Variants in GMDS observed in about 807,000 individuals in gnomAD.
The protein encoded by GMDS is GDP-mannose 4,6-dehydratase.
In GMDS, 20 loss-of-function variants were observed where a neutral mutation model predicts 49.9. The observed-to-expected ratio is 0.40, with a 90% confidence interval of 0.28 to 0.58. The LOEUF is 0.58. Ranked by LOEUF, GMDS falls within the 20% of genes least tolerant of loss-of-function variation. GMDS has a pLI of 0.42. For synonymous variants in GMDS, 177 were observed against 178.6 expected, an observed-to-expected ratio of 0.99 and a Z score of 0.07; for missense variants, 362 against 481.4, an observed-to-expected ratio of 0.75 and a Z score of 2.32.
At position 1,789,532 on chromosome 6, in the gene GMDS, C is replaced by CT. The variant is rs59996305; in HGVS notation, c.772-46947dup. Among the ~76,000 whole-genome samples, 545 of 141,260 alleles carry CT rather than the reference C, an allele frequency of 3.9e-3. 2 individuals carry two copies. Among genetic ancestry groups the CT allele is most frequent in the African/African-American group, 8.6e-3 (337 of 39,182 alleles). 92.7% of individuals were successfully genotyped at this position (141,260 alleles called of 152,430 possible). On this transcript the variant is annotated intron_variant, in intron 7 of 10. Transcript: ENST00000380815. ...AAATTATTTTTTCTTTTTCTTTTTT[C>CT]TTTTTTTTTTTTTTTTTTTTCCTGA...
chr6:1,749,036 G>T (rs918536531), intron 7 of GMDS, among the ~76,000 whole-genome samples: 2 of 152,192 alleles, frequency 1.3e-5, no homozygotes, highest in African/African-American at 4.8e-5. Flanking sequence ...GGGGGAACAG[G>T]AAAGTACACT....
intron 4 of GMDS, among the ~76,000 whole-genome samples, chr6:2,011,008 T>C (rs186054702): frequency 3.9e-5 from 6 of 152,156 alleles, no homozygotes; most frequent in Admixed American, 1.3e-4. Context: ...ACAAATAAGA[T>C]AAAGATTTAA....
chr6:1,878,651 T>C (rs1017828636), intron 7 of GMDS, among the ~76,000 whole-genome samples: 1 of 152,192 alleles, frequency 6.6e-6, no homozygotes, highest in Non-Finnish European at 1.5e-5. Context: ...TACATGTTAA[T>C]ACCTGACAGC....
intron 7 of GMDS, among the ~76,000 whole-genome samples, chr6:1,857,774 T>C (rs1013049165): frequency 6.6e-6 from 1 of 152,188 alleles, no homozygotes; most frequent in Non-Finnish European, 1.5e-5. Flanking sequence ...TGTTTATTAA[T>C]AAAAATCATA....
At chr6:2,199,822 CA>C (rs1467679676) in intron 1 of GMDS, among the ~76,000 whole-genome samples, 1 of 152,160 alleles carries the variant, frequency 6.6e-6, no homozygotes, top group Non-Finnish European at 1.5e-5. Context: ...CACTTTTCAG[CA>C]GTACCTAGAA....
intron 8 of GMDS, among the ~76,000 whole-genome samples, chr6:1,738,015 TAC>T: frequency 2.1e-5 from 1 of 47,192 alleles, no homozygotes; most frequent in East Asian, 7.7e-4. Context: ...CAGACACACA[TAC>T]ACACATACAC....
chr6:2,229,389 T>C (rs1462801624), intron 1 of GMDS, among the ~76,000 whole-genome samples: 14 of 117,832 alleles, frequency 1.2e-4, no homozygotes, highest in African/African-American at 4.2e-4. Flanking sequence ...CTGGGCAACA[T>C]AGAGAGACCC....
At chr6:2,107,714 C>T (rs563522365) in intron 4 of GMDS, among the ~76,000 whole-genome samples, 1 of 152,306 alleles carries the variant, frequency 6.6e-6, no homozygotes, top group African/African-American at 2.4e-5. Flanking sequence ...ATCCACATCA[C>T]CTATTCACAG....
Position 2,145,595 on chromosome 6 carries a change from C to T in GMDS, c.103-20864G>A, listed in dbSNP as rs1018326845. Among the ~76,000 whole-genome samples, 6 of 151,834 alleles carry T rather than the reference C, an allele frequency of 4.0e-5. No individual in the cohort carries two copies. The East Asian group carries it at 1.2e-3, about 29-fold the overall frequency. ...ATAAAGAGACAACCCAATGGAAACA[C>T]AGATGGCCCGCTGCATCCACGGATT... On this transcript the variant is annotated intron_variant, in intron 1 of 10. Transcript: ENST00000380815.
chr6:2,207,363 T>G (rs1779852127), intron 1 of GMDS, among the ~76,000 whole-genome samples: 1 of 151,924 alleles, frequency 6.6e-6, no homozygotes, highest in Non-Finnish European at 1.5e-5. Context: ...GCACTGTCAC[T>G]TATGTTCATT....
chr6:2,120,305 T>TGGGCTTCAA (rs1270642217), intron 2 of GMDS, among the ~76,000 whole-genome samples: 1 of 152,088 alleles, frequency 6.6e-6, no homozygotes, highest in Non-Finnish European at 1.5e-5. Context: ...CTGCCAACAC[T>TGGGCTTCAA]CAGTATAGTT....
chr6:2,194,473 T>C (rs1302491182), intron 1 of GMDS, among the ~76,000 whole-genome samples: 1 of 152,190 alleles, frequency 6.6e-6, no homozygotes, highest in African/African-American at 2.4e-5. Flanking sequence ...TAAATAAACA[T>C]TTCAGCTAAA....
At chr6:1,975,646 A>G (rs190363323) in intron 4 of GMDS, among the ~76,000 whole-genome samples, 17 of 152,356 alleles carry the variant, frequency 1.1e-4, no homozygotes, top group Admixed American at 1.1e-3. Flanking sequence ...AGAAAAGTAG[A>G]AAGTCACATT....
At chr6:2,094,269 T>C (rs1360071510) in intron 4 of GMDS, among the ~76,000 whole-genome samples, 1 of 152,240 alleles carries the variant, frequency 6.6e-6, no homozygotes, top group African/African-American at 2.4e-5. Flanking sequence ...CTAAGATTTT[T>C]TGTTTAATTT....
intron 4 of GMDS, among the ~76,000 whole-genome samples, chr6:2,113,534 A>G (rs1774671605): frequency 6.6e-6 from 1 of 150,864 alleles, no homozygotes; most frequent in African/African-American, 2.4e-5. Context: ...AAGTTTTCCC[A>G]CTTCTCTTTG....
chr6:1,865,009 T>C (rs1758376601), intron 7 of GMDS, among the ~76,000 whole-genome samples: 1 of 152,188 alleles, frequency 6.6e-6, no homozygotes, highest in Non-Finnish European at 1.5e-5. Context: ...CAAGAAAGGA[T>C]GTTTACATTT....
chr6:1,718,631 T>C (rs574643136), intron 9 of GMDS, among the ~76,000 whole-genome samples: 29 of 152,288 alleles, frequency 1.9e-4, no homozygotes, highest in Non-Finnish European at 3.2e-4. Context: ...AGAGTTTCTA[T>C]TGGACAAGGA....
intron 1 of GMDS, among the ~76,000 whole-genome samples, chr6:2,221,781 A>G (rs1780604240): frequency 1.3e-5 from 2 of 152,216 alleles, no homozygotes; most frequent in Middle Eastern, 3.2e-3. Context: ...TAGCAGTCCC[A>G]AGCAAAAAGA....
chr6:2,064,965 T>C (rs960573042), intron 4 of GMDS, among the ~76,000 whole-genome samples: 1 of 152,134 alleles, frequency 6.6e-6, no homozygotes, highest in African/African-American at 2.4e-5. Flanking sequence ...AAAATCAGCA[T>C]GTGGCACAGA....
Sources: gnomAD v4.1 joint callset for allele counts (sites outside exome capture counted in the v4.1 genomes callset) on GRCh38, gnomAD v4.1.1 for gene constraint, MANE v1.5 for transcripts, NCBI Gene and HGNC (gene_info 2026-07-23, HGNC 2026-07-21) for gene names.